The following SHANK2 variants were observed in gnomAD, a reference collection of about 807,000 sequenced individuals.
SHANK2 encodes SH3 and multiple ankyrin repeat domains 2.
In SHANK2, 43 loss-of-function variants were observed where a neutral mutation model predicts 133.7. The observed-to-expected ratio is 0.32, with a 90% CI of 0.25 to 0.41. SHANK2 has a LOEUF of 0.41. Among genes scored for constraint, SHANK2 ranks in the 10% least tolerant of loss-of-function variants. The probability of loss-of-function intolerance (pLI) is 1.00; values close to 1 mark genes in which losing one functional copy is unlikely to be tolerated. For synonymous variants in SHANK2, 1,017 were observed against 952.8 expected (o/e 1.07, Z -1.24); for missense variants, 1,994 against 2,235.8 (o/e 0.89, Z 2.18).
At chr11:71,137,811 G>A (rs1409184939) in intron 3 of SHANK2, among the ~76,000 whole-genome samples, 1 of 152,188 alleles carries the variant, frequency 6.6e-6, no homozygotes, top group Non-Finnish European at 1.5e-5. Context: ...AATCTCTCAG[G>A]CACATGGACT....
intron 17 of SHANK2, among the ~76,000 whole-genome samples, chr11:70,573,392 C>A (rs1487234178): frequency 5.3e-5 from 8 of 150,612 alleles, no homozygotes; most frequent in African/African-American, 2.0e-4. Flanking sequence ...GCGATGGTTT[C>A]CCAAGAATAC....
intron 14 of SHANK2, among the ~76,000 whole-genome samples, chr11:70,744,685 G>A (rs1555035590): frequency 6.6e-6 from 1 of 152,202 alleles, no homozygotes; most frequent in African/African-American, 2.4e-5. Flanking sequence ...GGGGACCGAA[G>A]TGCCAGCGTT....
chr11:70,934,566 A>AC (rs1950546282), intron 10 of SHANK2, among the ~76,000 whole-genome samples: 1 of 152,158 alleles, frequency 6.6e-6, no homozygotes, highest in South Asian at 2.1e-4. Context: ...AGACTAAGTC[A>AC]CCCCCAGATA....
At chr11:70,773,248 C>T (rs1245884706) in intron 14 of SHANK2, among the ~76,000 whole-genome samples, 1 of 152,214 alleles carries the variant, frequency 6.6e-6, no homozygotes, top group Non-Finnish European at 1.5e-5. Context: ...GAGCGGCTCA[C>T]AGGGCAGCGT....
At chr11:71,123,149 T>C (rs1461328691) in intron 3 of SHANK2, among the ~76,000 whole-genome samples, 1 of 152,186 alleles carries the variant, frequency 6.6e-6, no homozygotes, top group Non-Finnish European at 1.5e-5. Context: ...TGAATCCTAC[T>C]TCAATTCTTC....
chr11:70,934,391 C>T (rs1305142534), intron 10 of SHANK2, among the ~76,000 whole-genome samples: 3 of 152,166 alleles, frequency 2.0e-5, no homozygotes, highest in African/African-American at 4.8e-5. Flanking sequence ...CTTCTCAGGC[C>T]GCCTCTGCTT....
At chr11:70,702,373 CCAA>C (rs1439509666) in intron 14 of SHANK2, among the ~76,000 whole-genome samples, 6 of 150,930 alleles carry the variant, frequency 4.0e-5, no homozygotes, top group African/African-American at 9.8e-5. Context: ...ATCATCACCA[CCAA>C]CACCACCACC....
chr11:70,582,752 C>T (rs1407715122), intron 17 of SHANK2, among the ~76,000 whole-genome samples: 1 of 152,196 alleles, frequency 6.6e-6, no homozygotes, highest in African/African-American at 2.4e-5. Context: ...TCTGTGTGTG[C>T]TATGGTGGTG....
intron 2 of SHANK2, among the ~76,000 whole-genome samples, chr11:71,155,410 GAAGAGGGA>G (rs1952888688): frequency 9.5e-6 from 1 of 105,070 alleles, no homozygotes; most frequent in Non-Finnish European, 1.9e-5. Flanking sequence ...CACGCTCCCA[GAAGAGGGA>G]TGGACCTACC....
intron 1 of SHANK2, among the ~76,000 whole-genome samples, chr11:71,236,363 C>G (rs1555123728): frequency 1.3e-5 from 2 of 152,226 alleles, no homozygotes; most frequent in African/African-American, 4.8e-5. Context: ...AATCCCAGCA[C>G]TTTGGGAGGC....
At chr11:70,810,514 C>G (rs1199770274) in intron 12 of SHANK2, among the ~76,000 whole-genome samples, 8 of 152,256 alleles carry the variant, frequency 5.3e-5, no homozygotes, top group African/African-American at 1.9e-4. Context: ...CAGAATCCCT[C>G]CTCTCCTTGA....
chr11:70,770,383 C>T (rs1258866349), intron 14 of SHANK2, among the ~76,000 whole-genome samples: 2 of 152,186 alleles, frequency 1.3e-5, no homozygotes, highest in African/African-American at 4.8e-5. Context: ...TGCCTCTGCT[C>T]ATCCGCCTGG....
At chr11:71,122,725 G>A (rs1400418977) in intron 3 of SHANK2, among the ~76,000 whole-genome samples, 1 of 152,132 alleles carries the variant, frequency 6.6e-6, no homozygotes, top group Admixed American at 6.5e-5. Flanking sequence ...GGCAGAGACT[G>A]GTGTGTCCCA....
At chr11:71,108,651 C>T (rs1951838250) in intron 6 of SHANK2, among the ~76,000 whole-genome samples, 1 of 152,344 alleles carries the variant, frequency 6.6e-6, no homozygotes, top group Non-Finnish European at 1.5e-5. Flanking sequence ...GCTTCCCTGC[C>T]TCATGGAGGA....
chr11:70,764,704 T>A (rs1213195133), intron 14 of SHANK2, among the ~76,000 whole-genome samples: 1 of 150,114 alleles, frequency 6.7e-6, no homozygotes. Flanking sequence ...CTTGCATCAA[T>A]CCATCCATCA....
At chr11:70,733,448 C>T (rs1347659959) in intron 14 of SHANK2, among the ~76,000 whole-genome samples, 1 of 152,222 alleles carries the variant, frequency 6.6e-6, no homozygotes, top group Non-Finnish European at 1.5e-5. Flanking sequence ...TGAGAGGCTC[C>T]ATCCCTTTCT....
At chr11:70,732,573 C>T (rs1555032516) in intron 14 of SHANK2, among the ~76,000 whole-genome samples, 1 of 152,240 alleles carries the variant, frequency 6.6e-6, no homozygotes, top group Non-Finnish European at 1.5e-5. Context: ...CCCCGACCCT[C>T]CCCTCCCTAG....
At chr11:71,235,188 G>T (rs1166617859) in intron 1 of SHANK2, among the ~76,000 whole-genome samples, 1 of 152,084 alleles carries the variant, frequency 6.6e-6, no homozygotes, top group Admixed American at 6.5e-5. Flanking sequence ...AGGGTGGGGG[G>T]CCCCAGTCTC....
intron 2 of SHANK2, among the ~76,000 whole-genome samples, chr11:71,183,094 C>A (rs1953592577): frequency 6.6e-6 from 1 of 151,744 alleles, no homozygotes; most frequent in South Asian, 2.1e-4. Flanking sequence ...GCCTTCAAGG[C>A]TCTTGACAGT....
Sources: gnomAD v4.1 joint callset for allele counts (sites outside exome capture counted in the v4.1 genomes callset) on GRCh38, gnomAD v4.1.1 for gene constraint, MANE v1.5 for transcripts, NCBI Gene and HGNC (gene_info 2026-07-23, HGNC 2026-07-21) for gene names.